The following TMEM132D variants were observed in gnomAD, a reference collection of about 807,000 sequenced individuals.
TMEM132D encodes the protein transmembrane protein 132D.
In TMEM132D, 21 loss-of-function variants were observed where a neutral mutation model predicts 62.3. The ratio of observed to expected loss-of-function variants is 0.34; its 90% confidence interval spans 0.24 to 0.49. The LOEUF (loss-of-function observed/expected upper bound fraction) is 0.49. Among genes scored for constraint, TMEM132D ranks in the 20% least tolerant of loss-of-function variants. The pLI, the probability that TMEM132D is intolerant of heterozygous loss-of-function variation, is 0.99. For missense variants in TMEM132D, 1,346 were observed against 1,402.8 expected, an observed-to-expected ratio of 0.96 and a Z score of 0.65; for synonymous variants, 621 against 575.6, an observed-to-expected ratio of 1.08 and a Z score of -1.13.
chr12:129,299,617 T>G (rs1881659930), intron 4 of TMEM132D, among the ~76,000 whole-genome samples: 1 of 141,778 alleles, frequency 7.1e-6, no homozygotes, highest in Admixed American at 7.6e-5. Context: ...CTGGACACAT[T>G]GAACAATCAG....
Position 129,277,507 on chromosome 12 carries a change from C to T in TMEM132D, c.1299+60127G>A, listed in dbSNP as rs1429696097. On this transcript the variant is annotated intron_variant, in intron 4 of 8. Coordinates refer to ENST00000422113, the MANE Select transcript of TMEM132D (RefSeq NM_133448.3). This position sits in a 1 kb window ranked among gnomAD's most constrained non-coding sequence, Gnocchi z 4.2. ...AAAATTCTTTATCCCTTACTCATTGCTGCTATCAGGAATTTGAAAGAATTA... is the reference window on the plus strand; with the variant it reads ...AAAATTCTTTATCCCTTACTCATTGTTGCTATCAGGAATTTGAAAGAATTA... Among the ~76,000 whole-genome samples, 1 of 152,174 alleles carries T rather than the reference C, an allele frequency of 6.6e-6. No individual in the cohort carries two copies. The highest frequency in any genetic ancestry group is 6.5e-5 in the Admixed American group (1 of 15,290).
chr12:129,815,776 A>G (rs1872326329), intron 1 of TMEM132D, among the ~76,000 whole-genome samples: 2 of 152,296 alleles, frequency 1.3e-5, no homozygotes, highest in South Asian at 4.1e-4. Flanking sequence ...CGGCTTGTCT[A>G]CATTGTTGGA....
Position 129,209,417 on chromosome 12 carries a change from G to C in TMEM132D, c.1443+103C>G, listed in dbSNP as rs1593296917. ...AGAATGGGATGGGAGGGATCCTGTG[G>C]GACCCAGAGGTCCCAGAGGTCCCAG... On this transcript the variant is annotated intron_variant, in intron 5 of 8. Transcript: ENST00000422113. The C allele has an allele frequency of 9.8e-6, 14 of 1,434,186 alleles. No homozygotes were observed. In the East Asian group the frequency reaches 3.3e-4, roughly 34 times the overall value. 88.8% of individuals were successfully genotyped at this position (1,434,186 alleles called of 1,614,324 possible). A position where few individuals can be genotyped will look rare whatever the true frequency, so the allele number is the denominator to read the frequency against.
At chr12:129,098,574 G>C (rs550429867) in intron 5 of TMEM132D, among the ~76,000 whole-genome samples, 1 of 152,136 alleles carries the variant, frequency 6.6e-6, no homozygotes, top group Non-Finnish European at 1.5e-5. Context: ...AGCCCTGTGA[G>C]GTTGGTGTTA....
At chr12:129,289,941 T>C (rs1881405427) in intron 4 of TMEM132D, among the ~76,000 whole-genome samples, 2 of 152,196 alleles carry the variant, frequency 1.3e-5, no homozygotes, top group African/African-American at 4.8e-5. Context: ...GCAGCCACCC[T>C]GCACAATGTG....
chr12:129,295,845 A>G (rs199915549), intron 4 of TMEM132D, among the ~76,000 whole-genome samples: 1 of 152,130 alleles, frequency 6.6e-6, no homozygotes, highest in East Asian at 1.9e-4. Context: ...CTATATCAAT[A>G]CTTGTTATAC....
intron 1 of TMEM132D, among the ~76,000 whole-genome samples, chr12:129,717,457 T>C (rs571378993): frequency 6.6e-5 from 10 of 151,106 alleles, no homozygotes; most frequent in Admixed American, 2.0e-4. Context: ...AATTTAAAAA[T>C]TAGAAATTTA....
intron 3 of TMEM132D, among the ~76,000 whole-genome samples, chr12:129,426,590 C>T (rs1191648924): frequency 6.6e-6 from 1 of 152,210 alleles, no homozygotes; most frequent in Non-Finnish European, 1.5e-5. Flanking sequence ...CACACTCCCT[C>T]TCCATCATGT....
At chr12:129,785,377 G>C (rs1455339341) in intron 1 of TMEM132D, among the ~76,000 whole-genome samples, 1 of 152,202 alleles carries the variant, frequency 6.6e-6, no homozygotes, top group Non-Finnish European at 1.5e-5. Flanking sequence ...TTTAGGACTT[G>C]AGCTTTCTCA....
rs1454648626 is a variant in TMEM132D at position 129,074,025 on chromosome 12, G to A, written c.3150C>T (p.Phe1050=). 6.2e-7 allele frequency: 1 copy of A among 1,614,076 alleles called. No homozygotes were observed. Among genetic ancestry groups the A allele is most frequent in the South Asian group, 1.1e-5 (1 of 91,062 alleles). ...SKRKRVKFTT[F]TAVSSDDEYP... ...ACTCGTCGTCTGAGGAGACGGCGGTGAAGGTGGTAAATTTTACCCTTTTCC... is the reference window on the plus strand; with the variant it reads ...ACTCGTCGTCTGAGGAGACGGCGGTAAAGGTGGTAAATTTTACCCTTTTCC... Residue 1050 remains phenylalanine (F), a synonymous_variant, in exon 9 of 9, where the codon TTC becomes TTT. Coordinates refer to ENST00000422113, the MANE Select transcript of TMEM132D (RefSeq NM_133448.3).
intron 3 of TMEM132D, among the ~76,000 whole-genome samples, chr12:129,515,565 A>C (rs946617460): frequency 1.3e-5 from 2 of 152,170 alleles, no homozygotes; most frequent in African/African-American, 4.8e-5. Context: ...AGCAGCAGCA[A>C]GAATGCCACT....
chr12:129,595,573 G>A (rs1205971382), intron 2 of TMEM132D, among the ~76,000 whole-genome samples: 1 of 152,204 alleles, frequency 6.6e-6, no homozygotes, highest in Non-Finnish European at 1.5e-5. Flanking sequence ...AGACCCATGG[G>A]TCATGCTTTG....
chr12:129,316,753 C>T (rs1007680366), intron 4 of TMEM132D, among the ~76,000 whole-genome samples: 3 of 151,930 alleles, frequency 2.0e-5, no homozygotes, highest in Non-Finnish European at 4.4e-5. Flanking sequence ...GTACTAAAGT[C>T]CCCCACTATT....
intron 3 of TMEM132D, among the ~76,000 whole-genome samples, chr12:129,426,176 G>T (rs1872490541): frequency 6.6e-6 from 1 of 152,132 alleles, no homozygotes; most frequent in Admixed American, 6.5e-5. Flanking sequence ...TTCATGTCCT[G>T]CTGTCTTCCC....
chr12:129,730,224 G>A (rs1453215527), intron 1 of TMEM132D, among the ~76,000 whole-genome samples: 7 of 152,004 alleles, frequency 4.6e-5, no homozygotes, highest in Non-Finnish European at 8.8e-5. Context: ...AGTCTAATCT[G>A]GACAAAGAGG....
intron 3 of TMEM132D, among the ~76,000 whole-genome samples, chr12:129,403,712 A>T (rs1425962299): frequency 2.0e-5 from 3 of 152,140 alleles, no homozygotes; most frequent in Non-Finnish European, 4.4e-5. Context: ...GTTGACTCGC[A>T]TGGAGTTAGA....
intron 1 of TMEM132D, among the ~76,000 whole-genome samples, chr12:129,786,435 A>G (rs1871249560): frequency 6.6e-6 from 1 of 152,032 alleles, no homozygotes; most frequent in Non-Finnish European, 1.5e-5. Flanking sequence ...GTCACAAGGG[A>G]AAAAAAACCA....
At chr12:129,666,896 TG>T (rs1194061273) in intron 2 of TMEM132D, among the ~76,000 whole-genome samples, 1 of 152,226 alleles carries the variant, frequency 6.6e-6, no homozygotes, top group African/African-American at 2.4e-5. Flanking sequence ...TTAAAGGGAA[TG>T]TAATTTTATC....
intron 5 of TMEM132D, among the ~76,000 whole-genome samples, chr12:129,128,435 G>A (rs1427612809): frequency 6.6e-6 from 1 of 152,096 alleles, no homozygotes; most frequent in East Asian, 1.9e-4. Context: ...TGGCAGGAGC[G>A]AGAGAGTGAC....
Sources: allele counts gnomAD v4.1 joint callset (sites outside exome capture counted in the v4.1 genomes callset), GRCh38; gene constraint gnomAD v4.1.1; non-coding constraint Gnocchi (gnomAD v3.1); transcripts MANE v1.5; gene names NCBI Gene and HGNC (gene_info 2026-07-23, HGNC 2026-07-21).